Variants in CACNA1E observed in about 807,000 individuals in gnomAD.
The protein encoded by CACNA1E is calcium voltage-gated channel subunit alpha1 E, also known as voltage-dependent R-type calcium channel subunit alpha-1E.
Under a neutral mutation model 259.2 loss-of-function variants are expected in CACNA1E, and 40 were observed. That is an observed-to-expected ratio of 0.15 (90% CI 0.12 to 0.20). CACNA1E has a LOEUF of 0.20. CACNA1E is among the 10% of genes least tolerant of loss of function. The probability of loss-of-function intolerance (pLI) is 1.00; values close to 1 mark genes in which losing one functional copy is unlikely to be tolerated. For missense variants in CACNA1E, 1,874 were observed against 3,040.1 expected, an observed-to-expected ratio of 0.62 and a Z score of 9.02; for synonymous variants, 1,104 against 1,138.5, an observed-to-expected ratio of 0.97 and a Z score of 0.61.
At chr1:181,447,762 G>A (rs985160977) in intron 2 of CACNA1E, among the ~76,000 whole-genome samples, 1 of 152,158 alleles carries the variant, frequency 6.6e-6, no homozygotes, top group Non-Finnish European at 1.5e-5. Flanking sequence ...CGTATTTCCT[G>A]CTCCTTCTGG....
At chr1:181,422,300 T>G (rs927573307) in intron 2 of CACNA1E, among the ~76,000 whole-genome samples, 1 of 152,242 alleles carries the variant, frequency 6.6e-6, no homozygotes. Context: ...AGGGCAATGC[T>G]GACATATGGG....
intron 6 of CACNA1E, among the ~76,000 whole-genome samples, chr1:181,588,211 C>T (rs973566902): frequency 2.6e-5 from 4 of 152,172 alleles, no homozygotes; most frequent in Admixed American, 2.6e-4. Context: ...GACTGAAACC[C>T]ACCAGGCCCG....
chr1:181,544,307 G>A (rs1320332778), intron 3 of CACNA1E, among the ~76,000 whole-genome samples: 1 of 152,096 alleles, frequency 6.6e-6, no homozygotes, highest in Non-Finnish European at 1.5e-5. Flanking sequence ...AGTGAGGTGG[G>A]GAGTTGACTG....
chr1:181,365,558 T>A (rs1654212145), intron 1 of CACNA1E, among the ~76,000 whole-genome samples: 2 of 152,202 alleles, frequency 1.3e-5, no homozygotes, highest in African/African-American at 4.8e-5. Flanking sequence ...CCTATTGGCT[T>A]GATTTGTTGT....
At chr1:181,738,313 T>C in intron 23 of CACNA1E, 54 bp from the exon 24 acceptor site, 1 of 1,449,818 alleles carries the variant, frequency 6.9e-7, no homozygotes, top group Non-Finnish European at 9.7e-7. Context: ...GGAGCTCATG[T>C]AGTAGCCTGT....
chr1:181,488,005 A>G (rs1663995398), intron 1 of CACNA1E, among the ~76,000 whole-genome samples: 1 of 152,220 alleles, frequency 6.6e-6, no homozygotes, highest in South Asian at 2.1e-4. Context: ...GAACCTGTGG[A>G]CATTAATCCA....
intron 1 of CACNA1E, among the ~76,000 whole-genome samples, chr1:181,373,779 C>T (rs1654886579): frequency 6.6e-6 from 1 of 152,118 alleles, no homozygotes; most frequent in Admixed American, 6.5e-5. Context: ...CCCGCCTTGG[C>T]CTCCCAAAGT....
chr1:181,796,927 A>G, intron 47 of CACNA1E, 69 bp downstream of exon 47: 1 of 1,188,774 alleles, frequency 8.4e-7, no homozygotes, highest in Non-Finnish European at 1.2e-6. Flanking sequence ...ATTAGATGCA[A>G]GTCGTGAGCA....
At chr1:181,784,297 G>A (rs1432589280) in intron 40 of CACNA1E, among the ~76,000 whole-genome samples, 1 of 151,660 alleles carries the variant, frequency 6.6e-6, no homozygotes, top group Non-Finnish European at 1.5e-5. Flanking sequence ...TATGGAGTTA[G>A]GGTTGCTGGA....
chr1:181,413,929 C>G (rs567820808), intron 2 of CACNA1E, among the ~76,000 whole-genome samples: 3 of 152,270 alleles, frequency 2.0e-5, no homozygotes, highest in Middle Eastern at 3.2e-3. Flanking sequence ...GAATCCTTCA[C>G]AACGTGGATC....
intron 1 of CACNA1E, among the ~76,000 whole-genome samples, chr1:181,388,496 G>A (rs1204245651): frequency 6.6e-6 from 1 of 152,162 alleles, no homozygotes; most frequent in Non-Finnish European, 1.5e-5. Context: ...AATCTGTATG[G>A]CATGTTACTG....
chr1:181,497,389 C>T (rs1386379745), intron 1 of CACNA1E, among the ~76,000 whole-genome samples: 1 of 152,160 alleles, frequency 6.6e-6, no homozygotes, highest in Non-Finnish European at 1.5e-5. Context: ...ATATGCCTTA[C>T]CATTTCTCTT....
intron 3 of CACNA1E, among the ~76,000 whole-genome samples, chr1:181,541,144 C>A (rs1049571108): frequency 6.6e-6 from 1 of 152,100 alleles, no homozygotes; most frequent in East Asian, 1.9e-4. Flanking sequence ...TGTTATAGAA[C>A]CACAGCTGAG....
chr1:181,448,616 C>T (rs1156562475), intron 2 of CACNA1E, among the ~76,000 whole-genome samples: 2 of 152,244 alleles, frequency 1.3e-5, no homozygotes, highest in East Asian at 3.8e-4. Context: ...ATTTCCCCTA[C>T]TCCAGCCTCT....
At chr1:181,499,384 T>G (rs1389710561) in intron 1 of CACNA1E, among the ~76,000 whole-genome samples, 1 of 152,222 alleles carries the variant, frequency 6.6e-6, no homozygotes, top group East Asian at 1.9e-4. Context: ...GGAATTTTAT[T>G]TGATTATTCT....
intron 3 of CACNA1E, among the ~76,000 whole-genome samples, chr1:181,532,059 A>G (rs908417779): frequency 5.3e-5 from 8 of 152,160 alleles, no homozygotes; most frequent in African/African-American, 1.7e-4. Context: ...TCATCTCAAA[A>G]AAAAGAAAAG....
intron 3 of CACNA1E, among the ~76,000 whole-genome samples, chr1:181,544,528 T>C (rs1284034092): frequency 6.6e-6 from 1 of 152,178 alleles, no homozygotes; most frequent in Non-Finnish European, 1.5e-5. Context: ...AAAGTACAAA[T>C]ATCCAATTGC....
At chr1:181,659,156 C>T (rs1303230458) in intron 7 of CACNA1E, among the ~76,000 whole-genome samples, 1 of 152,058 alleles carries the variant, frequency 6.6e-6, no homozygotes, top group Non-Finnish European at 1.5e-5. Flanking sequence ...AGGGGGAACA[C>T]ACATGGCTCC....
Position 181,796,750 on chromosome 1 carries a change from C to A in CACNA1E, c.6291C>A (p.Val2097=). The change falls in exon 47 of 48, where the codon GTC becomes GTA. Residue 2097 remains valine, a synonymous_variant. Coordinates refer to ENST00000367573, the MANE Select transcript of CACNA1E (RefSeq NM_001205293.3). Reference sequence around the variant, plus strand: ...GAAAGCATCTTCTCTCTCCTGATGTCTCCCGCTGCAATTCAGAAGAGCGAG... The same window carrying A: ...GAAAGCATCTTCTCTCTCCTGATGTATCCCGCTGCAATTCAGAAGAGCGAG... The part of the protein sequence containing the change: ...KERKHLLSPD[V]SRCNSEERGT... The A allele has an allele frequency of 6.2e-7, 1 of 1,613,388 alleles. No individual in the cohort carries two copies. The highest frequency in any genetic ancestry group is 8.5e-7 in the Non-Finnish European group (1 of 1,179,596).
Sources: gnomAD v4.1 joint callset for allele counts (sites outside exome capture counted in the v4.1 genomes callset) on GRCh38, gnomAD v4.1.1 for gene constraint, MANE v1.5 for transcripts, NCBI Gene and HGNC (gene_info 2026-07-23, HGNC 2026-07-21) for gene names.